The following UGT1A9 variants were observed in gnomAD, a reference collection of about 807,000 sequenced individuals.
UGT1A9 encodes the protein UDP glucuronosyltransferase family 1 member A9, also known as UDP-glucuronosyltransferase 1A9.
A neutral mutation model predicts 45.0 loss-of-function variants in UGT1A9; 35 were observed. That is an observed-to-expected ratio of 0.78 (90% CI 0.59 to 1.03). UGT1A9 has a LOEUF of 1.03. Ranked by LOEUF, UGT1A9 falls within the 50% of genes least tolerant of loss-of-function variation. The pLI is 0.00. For synonymous variants in UGT1A9, 278 were observed against 250.6 expected, an observed-to-expected ratio of 1.11 and a Z score of -1.03; for missense variants, 687 against 666.6, an observed-to-expected ratio of 1.03 and a Z score of -0.34.
chr2:233,682,094 C>T (rs1325065140), intron 1 of UGT1A9: 3 of 1,614,112 alleles, frequency 1.9e-6, no homozygotes, highest in East Asian at 2.2e-5. Context: ...CCTCAGGGGG[C>T]ATGAGGTGGT....
At chr2:233,724,531 C>T (rs557040072) in intron 1 of UGT1A9, among the ~76,000 whole-genome samples, 5 of 121,606 alleles carry the variant, frequency 4.1e-5, no homozygotes, top group Admixed American at 8.0e-5. Context: ...GGGGTCTCGC[C>T]GGGCAGAGGC....
chr2:233,706,144 G>C (rs2075891218), intron 1 of UGT1A9, among the ~76,000 whole-genome samples: 1 of 152,146 alleles, frequency 6.6e-6, no homozygotes, highest in African/African-American at 2.4e-5. Flanking sequence ...ATTAAACAAA[G>C]CATGAGAACC....
At chr2:233,758,253 TAGTA>T (rs1415898131) in intron 1 of UGT1A9, among the ~76,000 whole-genome samples, 2 of 152,180 alleles carry the variant, frequency 1.3e-5, no homozygotes, top group African/African-American at 2.4e-5. Context: ...CTATTCAGAT[TAGTA>T]AGTATTTCTT....
chr2:233,761,272 T>C (rs1697733623), intron 1 of UGT1A9: 1 of 1,579,126 alleles, frequency 6.3e-7, no homozygotes, highest in African/African-American at 1.3e-5. Flanking sequence ...AATGCCCTCT[T>C]TTGTTAATTT....
At chr2:233,680,488 A>G (rs1200665522) in intron 1 of UGT1A9, among the ~76,000 whole-genome samples, 4 of 152,158 alleles carry the variant, frequency 2.6e-5, no homozygotes, top group African/African-American at 7.2e-5. Context: ...CCTGGAAGGA[A>G]CCATCTTGTG....
At chr2:233,742,442 C>T (rs112027081) in intron 1 of UGT1A9, among the ~76,000 whole-genome samples, 3,340 of 152,032 alleles carry the variant, frequency 0.022, 220 homozygotes, top group African/African-American at 0.075. Flanking sequence ...CCTGGGTGGG[C>T]CAGGTGTTCC....
rs2077866341 is a variant in UGT1A9 at position 233,729,479 on chromosome 2, A to T, written c.856-37555A>T. 5 of 1,614,240 alleles carry T rather than the reference A, an allele frequency of 3.1e-6. No homozygotes were observed. The East Asian group carries it at 1.1e-4, about 36-fold the overall frequency. On this transcript the variant is annotated intron_variant, in intron 1 of 4. Coordinates refer to ENST00000354728, the MANE Select transcript of UGT1A9 (RefSeq NM_021027.3). ...TTTTTCAGAAGTATGGCAATGTTGA[A>T]CAATATGTCTTTGGTCTATCATAGG...
At chr2:233,713,422 C>T (rs1163923876) in intron 1 of UGT1A9, 2 of 1,614,168 alleles carry the variant, frequency 1.2e-6, no homozygotes, top group Admixed American at 3.3e-5. Flanking sequence ...CTGCATGCTA[C>T]TTCCTTTGAT....
At chr2:233,701,706 A>G (rs1450486741) in intron 1 of UGT1A9, among the ~76,000 whole-genome samples, 2 of 152,228 alleles carry the variant, frequency 1.3e-5, no homozygotes, top group African/African-American at 4.8e-5. Flanking sequence ...AAAACCGCTC[A>G]ACTACATGGA....
Position 233,695,130 on chromosome 2 carries a change from C to CTTTCTTTCTT in UGT1A9, c.855+22344_855+22345insCTTTCTTTTT, listed in dbSNP as rs1364557158. ...GCCCATTAACCAACCCTTTTCTTTTCTTTTTTTTTTTTTTGAGACAGAGTC... is the reference window on the plus strand; with the variant it reads ...GCCCATTAACCAACCCTTTTCTTTTCTTTCTTTCTTTTTTTTTTTTTTTTGAGACAGAGTC... On this transcript the variant is annotated intron_variant, in intron 1 of 4. Transcript: ENST00000354728. Among the ~76,000 whole-genome samples the CTTTCTTTCTT allele has an allele frequency of 1.3e-4, 18 of 138,838 alleles. 1 individual carries two copies. Among genetic ancestry groups the CTTTCTTTCTT allele is most frequent in the African/African-American group, 4.9e-4 (18 of 36,850 alleles). 91.1% of individuals were successfully genotyped at this position (138,838 alleles called of 152,430 possible). A position where few individuals can be genotyped will look rare whatever the true frequency, so the allele number is the denominator to read the frequency against.
chr2:233,706,934 A>C (rs932560394), intron 1 of UGT1A9, among the ~76,000 whole-genome samples: 8 of 152,130 alleles, frequency 5.3e-5, no homozygotes, highest in African/African-American at 1.7e-4. Flanking sequence ...GTCTGGTGAG[A>C]TGGAATGCTT....
intron 1 of UGT1A9, chr2:233,729,534 C>A: frequency 6.2e-7 from 1 of 1,614,090 alleles, no homozygotes; most frequent in Non-Finnish European, 8.5e-7. Flanking sequence ...ATAATGAGGC[C>A]CTGATCAGGC....
At position 233,769,334 on chromosome 2, in the gene UGT1A9, AG is replaced by A. The variant is rs1261695807; in HGVS notation, c.1295+896del. Among the ~76,000 whole-genome samples the A allele has an allele frequency of 6.6e-6, 1 of 152,248 alleles. No individual in the cohort carries two copies. The highest frequency in any genetic ancestry group is 1.5e-5 in the Non-Finnish European group (1 of 68,042). ...CAAGCTCACTGGTAATAGGCTTATT[AG>A]AACCTTATGGGAAGAAGTGGTGGCC... On this transcript the variant is annotated intron_variant, in intron 4 of 4. Transcript: ENST00000354728. This position sits in a 1 kb window ranked among gnomAD's most constrained non-coding sequence, Gnocchi z 4.4.
intron 1 of UGT1A9, chr2:233,681,994 C>G: frequency 6.2e-7 from 1 of 1,614,172 alleles, no homozygotes; most frequent in Non-Finnish European, 8.5e-7. Context: ...TACTGCTGAC[C>G]TGTGGCTTTG....
intron 1 of UGT1A9, chr2:233,682,915 A>T: frequency 6.7e-7 from 1 of 1,486,510 alleles, no homozygotes. Context: ...GGTTTAAGGA[A>T]TTCTTTTGTA....
At chr2:233,747,308 T>C in intron 1 of UGT1A9, 5 of 1,602,886 alleles carry the variant, frequency 3.1e-6, no homozygotes, top group Non-Finnish European at 4.3e-6. Context: ...GGGAAGGTGC[T>C]GGTGGTACCC....
chr2:233,686,333 T>A (rs6753317), intron 1 of UGT1A9, among the ~76,000 whole-genome samples: 27,662 of 152,022 alleles, frequency 0.18, 2,740 homozygotes, highest in Non-Finnish European at 0.23. Context: ...AATGTTTTTA[T>A]ACAAAAGCTT....
chr2:233,742,539 ATGGCCAGTTTAGGGGCCAGCTTC>A (rs1692013291), intron 1 of UGT1A9, among the ~76,000 whole-genome samples: 1 of 151,860 alleles, frequency 6.6e-6, no homozygotes, highest in African/African-American at 2.4e-5. Flanking sequence ...GATTTTGTTT[ATGGCCAGTTTAGGGGCCAGCTTC>A]TGGCCGGAAT....
At chr2:233,682,545 T>C in intron 1 of UGT1A9, 1 of 1,613,930 alleles carries the variant, frequency 6.2e-7, no homozygotes. Context: ...GCCATGACTT[T>C]CAAGGAGAGA....
Sources: gnomAD v4.1 joint callset for allele counts (sites outside exome capture counted in the v4.1 genomes callset) on GRCh38, gnomAD v4.1.1 for gene constraint, Gnocchi (gnomAD v3.1) non-coding constraint, MANE v1.5 for transcripts, NCBI Gene and HGNC (gene_info 2026-07-23, HGNC 2026-07-21) for gene names.